The following WDR72 variants were observed in gnomAD, a reference collection of about 807,000 sequenced individuals.
WDR72 encodes the protein WD repeat domain 72, also known as WD repeat-containing protein 72.
Under a neutral mutation model 124.2 loss-of-function variants are expected in WDR72, and 120 were observed. That is an observed-to-expected ratio of 0.97 (90% CI 0.83 to 1.12). The LOEUF is 1.12. WDR72 is among the 50% of genes most tolerant of loss of function. The pLI, the probability that WDR72 is intolerant of heterozygous loss-of-function variation, is 0.00. For missense variants in WDR72, 1,387 were observed against 1,278.8 expected, an observed-to-expected ratio of 1.08 and a Z score of -1.29; for synonymous variants, 452 against 441.7, an observed-to-expected ratio of 1.02 and a Z score of -0.29.
intron 16 of WDR72, among the ~76,000 whole-genome samples, 183 bp from the exon 17 acceptor site, chr15:53,609,775 T>C (rs1203911326): frequency 6.6e-6 from 1 of 152,008 alleles, no homozygotes; most frequent in Non-Finnish European, 1.5e-5. Flanking sequence ...CAGGCATTAA[T>C]GCTTTGTAAA....
intron 13 of WDR72, among the ~76,000 whole-genome samples, chr15:53,697,254 C>T (rs948504048): frequency 4.0e-5 from 6 of 150,486 alleles, no homozygotes; most frequent in Admixed American, 1.3e-4. Flanking sequence ...CATGTGACAA[C>T]CCACTCCGTC....
At chr15:53,619,894 A>G (rs2140374537) in intron 14 of WDR72, among the ~76,000 whole-genome samples, 1 of 152,200 alleles carries the variant, frequency 6.6e-6, no homozygotes, top group Non-Finnish European at 1.5e-5. Flanking sequence ...AGAGAAATGA[A>G]CAGGACTGAT....
chr15:53,687,535 A>T (rs1377909864), intron 13 of WDR72, among the ~76,000 whole-genome samples: 22 of 151,412 alleles, frequency 1.5e-4, no homozygotes, highest in Middle Eastern at 3.4e-3. Context: ...CTCTGAATAG[A>T]CCAATAACAG....
chr15:53,678,196 T>C (rs1411088823), intron 13 of WDR72, among the ~76,000 whole-genome samples: 1 of 152,186 alleles, frequency 6.6e-6, no homozygotes, highest in East Asian at 1.9e-4. Context: ...ATTAGGAACA[T>C]CCCAATCCAT....
At chr15:53,674,136 G>A (rs894655447) in intron 13 of WDR72, among the ~76,000 whole-genome samples, 64 of 152,218 alleles carry the variant, frequency 4.2e-4, no homozygotes, top group African/African-American at 1.3e-3. Context: ...TTCCATATTG[G>A]GTAGGCATTT....
chr15:53,624,686 C>T (rs1425281755), intron 14 of WDR72, among the ~76,000 whole-genome samples: 3 of 152,270 alleles, frequency 2.0e-5, no homozygotes, highest in African/African-American at 7.2e-5. Flanking sequence ...TAACATACAA[C>T]AGAGTTGGCT....
At chr15:53,644,165 T>A (rs72747350) in intron 14 of WDR72, among the ~76,000 whole-genome samples, 3,357 of 152,236 alleles carry the variant, frequency 0.022, 60 homozygotes, top group Admixed American at 0.034. Context: ...ATATTTTAGA[T>A]AAGCACAAAC....
In WDR72 at chr15:53,711,485, A is replaced by C; in HGVS notation, c.712-4T>G. The C allele has an allele frequency of 1.2e-6, 2 of 1,614,088 alleles. No individual in the cohort carries two copies. The highest frequency in any genetic ancestry group is 1.7e-6 in the Non-Finnish European group (2 of 1,180,018). The stretch of plus-strand genomic sequence containing the variant: ...AAAAATCACAATAATCATAAACCTA[A>C]AATATGAAGTTGATGCACATTATCA... On this transcript the variant is annotated splice_polypyrimidine_tract_variant and splice_region_variant and intron_variant, in intron 7 of 19. Coordinates refer to ENST00000360509, the MANE Select transcript of WDR72 (RefSeq NM_182758.4).
At chr15:53,520,904 A>ACACT (rs2140204707) in intron 19 of WDR72, among the ~76,000 whole-genome samples, 1 of 152,234 alleles carries the variant, frequency 6.6e-6, no homozygotes, top group South Asian at 2.1e-4. Context: ...TCAAGGAAAC[A>ACACT]CACTCTCTCA....
chr15:53,734,111 A>C (rs1241469198), intron 1 of WDR72, among the ~76,000 whole-genome samples: 8 of 152,144 alleles, frequency 5.3e-5, no homozygotes, highest in Admixed American at 5.2e-4. Context: ...AATTTTTAAA[A>C]CTTATGATAC....
In WDR72 at chr15:53,597,272, T is replaced by C. The variant is rs1435608130; in HGVS notation, c.2955A>G (p.Val985=). The change falls in exon 18 of 20, where the codon GTA becomes GTG. Residue 985 remains valine (V), a splice_region_variant and synonymous_variant. Coordinates refer to ENST00000360509, the MANE Select transcript of WDR72 (RefSeq NM_182758.4). ...AGAGAACAGCTTGTATTGCTTCAGT[T>C]ACCTGTAAGGTATTTTTTTAAGTGA... ...ISCWRDQSVQ[V]TEAIQAVLLA... is the part of the protein sequence containing the mutation. 6.2e-7 allele frequency: 1 copy of C among 1,613,648 alleles called. No individual in the cohort carries two copies. The highest frequency in any genetic ancestry group is 8.5e-7 in the Non-Finnish European group (1 of 1,179,710).
chr15:53,757,749 G>C (rs1479533228), intron 1 of WDR72, among the ~76,000 whole-genome samples: 2 of 152,140 alleles, frequency 1.3e-5, no homozygotes, highest in South Asian at 4.1e-4. Context: ...TCGAGTATAT[G>C]AATTGTCAAG....
At chr15:53,561,154 G>A (rs1047257887) in intron 18 of WDR72, among the ~76,000 whole-genome samples, 3 of 151,808 alleles carry the variant, frequency 2.0e-5, no homozygotes, top group African/African-American at 7.2e-5. Flanking sequence ...GACAACTGGT[G>A]TAGCACATTC....
chr15:53,721,185 T>C (rs1595873294), intron 3 of WDR72, among the ~76,000 whole-genome samples: 1 of 152,154 alleles, frequency 6.6e-6, no homozygotes, highest in African/African-American at 2.4e-5. Context: ...GACAGCTAGG[T>C]AGACTGAAAC....
At chr15:53,627,323 A>G (rs947286329) in intron 14 of WDR72, among the ~76,000 whole-genome samples, 7 of 152,232 alleles carry the variant, frequency 4.6e-5, no homozygotes, top group Non-Finnish European at 2.9e-5. Flanking sequence ...TCATGTGAAA[A>G]CATTCACTAA....
At chr15:53,618,137 GC>G (rs1481669140) in intron 14 of WDR72, among the ~76,000 whole-genome samples, 1 of 151,876 alleles carries the variant, frequency 6.6e-6, no homozygotes, top group East Asian at 1.9e-4. Context: ...AGTAGAATAT[GC>G]CCTGATTTTT....
chr15:53,606,089 G>A (rs889429429), intron 17 of WDR72, among the ~76,000 whole-genome samples: 37 of 152,244 alleles, frequency 2.4e-4, no homozygotes, highest in African/African-American at 8.2e-4. Flanking sequence ...TTTGTCCACA[G>A]CCAGCATTTC....
intron 13 of WDR72, among the ~76,000 whole-genome samples, chr15:53,693,719 G>T (rs2140508301): frequency 6.6e-6 from 1 of 152,222 alleles, no homozygotes; most frequent in Non-Finnish European, 1.5e-5. Flanking sequence ...CTTCTTACTG[G>T]CAAGGCAAAA....
chr15:53,600,077 G>C (rs902039343), intron 17 of WDR72, among the ~76,000 whole-genome samples: 2 of 152,172 alleles, frequency 1.3e-5, no homozygotes, highest in South Asian at 2.1e-4. Flanking sequence ...TGTGAGATGA[G>C]AGAAAGGCTG....
Sources: allele counts gnomAD v4.1 joint callset (sites outside exome capture counted in the v4.1 genomes callset), GRCh38; gene constraint gnomAD v4.1.1; transcripts MANE v1.5; gene names NCBI Gene and HGNC (gene_info 2026-07-23, HGNC 2026-07-21).